AGBL1: variants seen among roughly 807,000 people sequenced by gnomAD.
The protein encoded by AGBL1 is cytosolic carboxypeptidase 4.
Under a neutral mutation model 118.9 loss-of-function variants are expected in AGBL1, and 130 were observed. The ratio of observed to expected loss-of-function variants is 1.09; its 90% confidence interval spans 0.95 to 1.26. AGBL1 has a LOEUF of 1.26. AGBL1 is among the 50% of genes most tolerant of loss of function. The pLI is 0.00. For missense variants in AGBL1, 1,584 were observed against 1,298.1 expected, an observed-to-expected ratio of 1.22 and a Z score of -3.38; for synonymous variants, 555 against 478.9, an observed-to-expected ratio of 1.16 and a Z score of -2.08.
intron 22 of AGBL1, among the ~76,000 whole-genome samples, chr15:86,830,123 T>A: frequency 6.6e-6 from 1 of 152,180 alleles, no homozygotes; most frequent in East Asian, 1.9e-4. Flanking sequence ...AATGTATTTT[T>A]AAATCTTTTT....
chr15:86,831,933 A>AG (rs1409651666), intron 22 of AGBL1, among the ~76,000 whole-genome samples: 1 of 152,068 alleles, frequency 6.6e-6, no homozygotes, highest in Non-Finnish European at 1.5e-5. Flanking sequence ...GTGTTTCCAT[A>AG]CGTCTTCTGA....
At chr15:86,556,339 T>A in intron 21 of AGBL1, 1 of 1,457,728 alleles carries the variant, frequency 6.9e-7, no homozygotes, top group Non-Finnish European at 9.6e-7. Context: ...TTGCATTGGG[T>A]CACTAGAAGG....
intron 1 of AGBL1, chr15:86,107,734 TA>T (rs1389206139): frequency 3.3e-5 from 5 of 152,164 alleles, no homozygotes; most frequent in African/African-American, 9.7e-5. Flanking sequence ...TGTTGTTGGG[TA>T]GGGCTCAGTG....
chr15:86,852,307 TG>T (rs1443102543), intron 22 of AGBL1, among the ~76,000 whole-genome samples: 2 of 152,080 alleles, frequency 1.3e-5, no homozygotes, highest in African/African-American at 2.4e-5. Context: ...GAGAACAGCA[TG>T]GGGGAAACTG....
At chr15:86,511,961 C>G (rs572959793) in intron 18 of AGBL1, among the ~76,000 whole-genome samples, 5 of 152,000 alleles carry the variant, frequency 3.3e-5, no homozygotes, top group Admixed American at 3.3e-4. Context: ...TTTGTGGTGT[C>G]AGAAAGCATT....
In AGBL1 at chr15:86,896,623, T is replaced by C. The variant is rs189204134; in HGVS notation, c.3159-10464T>C. Among the ~76,000 whole-genome samples, 1,006 of 152,294 alleles carry C rather than the reference T, an allele frequency of 6.6e-3. 7 individuals are homozygous for C. Among genetic ancestry groups the C allele is most frequent in the African/African-American group, 0.023 (968 of 41,576 alleles). ...TTACTTTCCCATATTTAAATCTCTATTTTTTGTTTCTTTTTTAAAATTAGC... is the reference window on the plus strand; with the variant it reads ...TTACTTTCCCATATTTAAATCTCTACTTTTTGTTTCTTTTTTAAAATTAGC... On this transcript the variant is annotated intron_variant, in intron 22 of 22. Transcript: ENST00000614907.
intron 22 of AGBL1, among the ~76,000 whole-genome samples, chr15:86,750,492 T>C (rs1225686762): frequency 6.6e-6 from 1 of 152,082 alleles, no homozygotes; most frequent in African/African-American, 2.4e-5. Context: ...CATCAGTTAT[T>C]TAACAAGCAA....
intron 5 of AGBL1, among the ~76,000 whole-genome samples, chr15:86,190,410 A>G (rs941236145): frequency 1.3e-5 from 2 of 152,158 alleles, no homozygotes; most frequent in Non-Finnish European, 2.9e-5. Flanking sequence ...ATAGTAAGTA[A>G]TAATATATGA....
intron 22 of AGBL1, among the ~76,000 whole-genome samples, chr15:86,879,266 C>T (rs117530108): frequency 0.053 from 7,993 of 152,244 alleles, 274 homozygotes; most frequent in Non-Finnish European, 0.079. Flanking sequence ...CCCAGGTCAA[C>T]GCAGGGCTAA....
intron 16 of AGBL1, among the ~76,000 whole-genome samples, chr15:86,294,034 A>C (rs1350312069): frequency 6.6e-6 from 1 of 152,018 alleles, no homozygotes; most frequent in Non-Finnish European, 1.5e-5. Flanking sequence ...AGGTGGGGAA[A>C]ATCTCTTAGC....
chr15:86,838,941 T>TAAAAA (rs386383698), intron 22 of AGBL1, among the ~76,000 whole-genome samples: 1,178 of 47,954 alleles, frequency 0.025, 111 homozygotes, highest in East Asian at 0.14. Flanking sequence ...TGAGATCCTG[T>TAAAAA]AAAAAAAAAA....
At chr15:86,112,566 T>C (rs1200807715) in intron 1 of AGBL1, among the ~76,000 whole-genome samples, 2 of 152,244 alleles carry the variant, frequency 1.3e-5, no homozygotes, top group African/African-American at 4.8e-5. Context: ...ATGAGGATCT[T>C]CGCAAATAAG....
chr15:86,113,212 T>TTTTTCTTTTTCTTTTC lies in AGBL1; in HGVS notation c.52-28783_52-28782insTCTTTTCTTTTCTTTT, dbSNP rs1555430664. ...TTCACCTCTTTATTTTTTCTTTTTC[T>TTTTTCTTTTTCTTTTC]TTTTCTTTTCTTTTCTTTTCTTTTC... On this transcript the variant is annotated intron_variant, in intron 1 of 22. Transcript: ENST00000614907. Among the ~76,000 whole-genome samples, 7 of 122,188 alleles carry TTTTTCTTTTTCTTTTC rather than the reference T, an allele frequency of 5.7e-5. No homozygotes were observed. In the South Asian group the frequency reaches 8.5e-4, roughly 15 times the overall value. 80.2% of individuals were successfully genotyped at this position (122,188 alleles called of 152,430 possible). A position where few individuals can be genotyped will look rare whatever the true frequency, so the allele number is the denominator to read the frequency against.
At chr15:86,483,204 T>G (rs1404188891) in intron 18 of AGBL1, among the ~76,000 whole-genome samples, 1 of 151,976 alleles carries the variant, frequency 6.6e-6, no homozygotes, top group Non-Finnish European at 1.5e-5. Context: ...TCCTCTGACA[T>G]AAAAATGTGA....
intron 22 of AGBL1, among the ~76,000 whole-genome samples, chr15:86,735,651 G>GAT (rs1196938111): frequency 1.8e-5 from 2 of 111,122 alleles, no homozygotes; most frequent in Non-Finnish European, 3.6e-5. Flanking sequence ...CTGCTACAAA[G>GAT]AGAGATATAT....
At chr15:86,499,470 TGAA>T (rs1728981398) in intron 18 of AGBL1, among the ~76,000 whole-genome samples, 1 of 151,788 alleles carries the variant, frequency 6.6e-6, no homozygotes, top group Admixed American at 6.6e-5. Context: ...TTTTAGAAGT[TGAA>T]GAAGAGTTTC....
At chr15:86,455,328 AG>A (rs1223482339) in intron 18 of AGBL1, among the ~76,000 whole-genome samples, 2 of 152,178 alleles carry the variant, frequency 1.3e-5, no homozygotes, top group Admixed American at 1.3e-4. Context: ...TAAATAAGCC[AG>A]GGTCAGAGAA....
At chr15:86,999,748 G>T (rs1236423316) in intron 24 of AGBL1, among the ~76,000 whole-genome samples, 1 of 148,788 alleles carries the variant, frequency 6.7e-6, no homozygotes, top group Non-Finnish European at 1.5e-5. Flanking sequence ...ACCCAGTAAT[G>T]GGATGGCTGG....
At chr15:86,983,505 C>T (rs1013484466) in intron 23 of AGBL1, among the ~76,000 whole-genome samples, 4 of 152,142 alleles carry the variant, frequency 2.6e-5, no homozygotes, top group African/African-American at 9.7e-5. Flanking sequence ...TTTTGTCTTT[C>T]CTGACTATGT....
Sources: allele counts gnomAD v4.1 joint callset (sites outside exome capture counted in the v4.1 genomes callset), GRCh38; gene constraint gnomAD v4.1.1; transcripts MANE v1.5; gene names NCBI Gene and HGNC (gene_info 2026-07-23, HGNC 2026-07-21).